Variants in TENM2 observed in about 807,000 individuals in gnomAD.
TENM2 encodes teneurin-2.
Under a neutral mutation model 245.2 loss-of-function variants are expected in TENM2, and 52 were observed. The ratio of observed to expected loss-of-function variants is 0.21; its 90% CI spans 0.17 to 0.27. The LOEUF is 0.27. Ranked by LOEUF, TENM2 falls within the 10% of genes least tolerant of loss-of-function variation. TENM2 has a pLI of 1.00. For missense variants in TENM2, 3,046 were observed against 3,666.8 expected (o/e 0.83, Z 4.37); for synonymous variants, 1,363 against 1,438.9 (o/e 0.95, Z 1.19).
intron 19 of TENM2, among the ~76,000 whole-genome samples, chr5:168,210,991 GT>G (rs1205253716): frequency 1.3e-5 from 2 of 152,268 alleles, no homozygotes; most frequent in East Asian, 3.9e-4. Context: ...GATAACTGGA[GT>G]CTTTGACTCC....
At chr5:167,374,982 T>G (rs1277204630) in intron 1 of TENM2, among the ~76,000 whole-genome samples, 1 of 152,214 alleles carries the variant, frequency 6.6e-6, no homozygotes, top group Non-Finnish European at 1.5e-5. Context: ...CTGAGCATTT[T>G]GTCCTATCAT....
At chr5:167,809,803 A>C (rs1766496861) in intron 2 of TENM2, among the ~76,000 whole-genome samples, 2 of 152,134 alleles carry the variant, frequency 1.3e-5, no homozygotes, top group Admixed American at 6.6e-5. Flanking sequence ...CTTTATATGT[A>C]GTTTGGGGAA....
intron 2 of TENM2, among the ~76,000 whole-genome samples, chr5:167,682,602 T>G (rs1756805676): frequency 6.6e-6 from 1 of 152,210 alleles, no homozygotes; most frequent in Non-Finnish European, 1.5e-5. Context: ...GGTGTTTCCC[T>G]TCTTTCATAG....
At chr5:167,169,114 A>G in the TENM2 span, among the ~76,000 whole-genome samples, 10 of 152,122 alleles carry the variant, frequency 6.6e-5, no homozygotes, top group African/African-American at 2.2e-4. Flanking sequence ...AAGCGTCTGT[A>G]CAGAGGGATA....
At chr5:168,159,647 AC>A (rs1212411578) in intron 12 of TENM2, among the ~76,000 whole-genome samples, 1 of 152,190 alleles carries the variant, frequency 6.6e-6, no homozygotes, top group Non-Finnish European at 1.5e-5. Context: ...CCATGCACCT[AC>A]CAGGGCTGTT....
chr5:167,514,946 G>A (rs1770218682), intron 2 of TENM2, among the ~76,000 whole-genome samples: 1 of 152,156 alleles, frequency 6.6e-6, no homozygotes, highest in Non-Finnish European at 1.5e-5. Flanking sequence ...GAGAGGCGGA[G>A]GTTGCGGTGA....
chr5:168,151,979 G>T (rs1562221341), intron 12 of TENM2, among the ~76,000 whole-genome samples: 1 of 152,294 alleles, frequency 6.6e-6, no homozygotes, highest in Admixed American at 6.5e-5. Context: ...AAATTGGAAG[G>T]GTTGGTCACC....
At chr5:167,568,901 C>A (rs1046447349) in intron 2 of TENM2, among the ~76,000 whole-genome samples, 1 of 151,830 alleles carries the variant, frequency 6.6e-6, no homozygotes, top group Non-Finnish European at 1.5e-5. Context: ...GGTGATTAAA[C>A]GCTGTGGGTA....
At chr5:168,227,684 C>T (rs898126468) in intron 24 of TENM2, among the ~76,000 whole-genome samples, 1 of 152,010 alleles carries the variant, frequency 6.6e-6, no homozygotes, top group African/African-American at 2.4e-5. Context: ...TCTGGAGTGC[C>T]ACATATTATG....
chr5:167,006,077 A>G, the TENM2 span, among the ~76,000 whole-genome samples: 98 of 152,228 alleles, frequency 6.4e-4, no homozygotes, highest in Middle Eastern at 3.4e-3. Flanking sequence ...TAGCCTTTCT[A>G]ATCCCAAAAC....
At chr5:167,698,696 T>TTG (rs1757946359) in intron 2 of TENM2, among the ~76,000 whole-genome samples, 1 of 147,912 alleles carries the variant, frequency 6.8e-6, no homozygotes, top group Non-Finnish European at 1.5e-5. Flanking sequence ...TTTTTTTTTT[T>TTG]TTTTTGAGAC....
At chr5:167,407,873 A>T (rs1762716652) in intron 2 of TENM2, among the ~76,000 whole-genome samples, 1 of 152,168 alleles carries the variant, frequency 6.6e-6, no homozygotes, top group African/African-American at 2.4e-5. Context: ...CAGGCCATTT[A>T]TTTCCAACTT....
At chr5:167,600,970 A>G (rs1776595476) in intron 2 of TENM2, among the ~76,000 whole-genome samples, 1 of 152,228 alleles carries the variant, frequency 6.6e-6, no homozygotes, top group African/African-American at 2.4e-5. Flanking sequence ...CATTCATGGC[A>G]TAATTTATTC....
intron 1 of TENM2, among the ~76,000 whole-genome samples, chr5:167,339,454 A>G (rs1438408912): frequency 6.6e-6 from 1 of 152,048 alleles, no homozygotes; most frequent in African/African-American, 2.4e-5. Flanking sequence ...TTTATCAAAT[A>G]AATGGTTGTT....
intron 2 of TENM2, among the ~76,000 whole-genome samples, chr5:167,468,650 T>A (rs1766818993): frequency 6.6e-6 from 1 of 152,206 alleles, no homozygotes; most frequent in Non-Finnish European, 1.5e-5. Flanking sequence ...ATTCTAAAAT[T>A]TATAGCAATT....
At chr5:167,170,313 T>G in the TENM2 span, among the ~76,000 whole-genome samples, 2 of 152,208 alleles carry the variant, frequency 1.3e-5, no homozygotes, top group African/African-American at 2.4e-5. Flanking sequence ...CAAAATAGGA[T>G]TTTGTTTGAA....
intron 3 of TENM2, 111 bp downstream of exon 5, chr5:167,876,306 G>C (rs1773422049): frequency 1.1e-6 from 1 of 890,322 alleles, no homozygotes; most frequent in African/African-American, 1.7e-5. Flanking sequence ...GGTGTGGGGA[G>C]CATCAGGGTG....
At chr5:167,260,927 AGCTTTACAT>A in the TENM2 span, among the ~76,000 whole-genome samples, 1 of 152,208 alleles carries the variant, frequency 6.6e-6, no homozygotes, top group Non-Finnish European at 1.5e-5. Flanking sequence ...TAGTTCTAAG[AGCTTTACAT>A]GAACTAGGTC....
At chr5:167,000,768 G>T in the TENM2 span, among the ~76,000 whole-genome samples, 2 of 152,156 alleles carry the variant, frequency 1.3e-5, no homozygotes, top group Non-Finnish European at 2.9e-5. Context: ...TGATTTACAT[G>T]TATCAGATAA....
Sources: gnomAD v4.1 joint callset for allele counts (sites outside exome capture counted in the v4.1 genomes callset) on GRCh38, gnomAD v4.1.1 for gene constraint, MANE v1.5 for transcripts, NCBI Gene and HGNC (gene_info 2026-07-23, HGNC 2026-07-21) for gene names.